The following BRCA1 variants were observed in gnomAD, a reference collection of about 807,000 sequenced individuals.
The protein encoded by BRCA1 is breast cancer type 1 susceptibility protein.
BRCA1 carries 140 observed loss-of-function variants against 173.7 expected under a neutral mutation model. That is an observed-to-expected ratio of 0.81 (90% confidence interval 0.70 to 0.93). The LOEUF (loss-of-function observed/expected upper bound fraction) is 0.93. Among genes scored for constraint, BRCA1 ranks in the 40% least tolerant of loss-of-function variants. BRCA1 has a pLI of 0.00. For synonymous variants in BRCA1, 662 were observed against 756.0 expected, an observed-to-expected ratio of 0.88 and a Z score of 2.04; for missense variants, 1,983 against 2,172.5, an observed-to-expected ratio of 0.91 and a Z score of 1.73.
chr17:43,072,880 T>TC (rs1349523526), intron 14 of BRCA1, among the ~76,000 whole-genome samples: 13 of 151,636 alleles, frequency 8.6e-5, no homozygotes, highest in Non-Finnish European at 2.9e-5. Context: ...AGCTAGTTTT[T>TC]TTTTTTTTTT....
chr17:43,096,246 G>A lies in BRCA1; in HGVS notation c.594-324C>T, dbSNP rs193059967. ...ACAAAAATTAGCCGGGTGTGGTGGCGCGCGCCTGTAGTCCCAGCTACTAGA... is the reference window on the plus strand; with the variant it reads ...ACAAAAATTAGCCGGGTGTGGTGGCACGCGCCTGTAGTCCCAGCTACTAGA... On this transcript the variant is annotated intron_variant, in intron 8 of 22. Transcript: ENST00000357654. Among the ~76,000 whole-genome samples the A allele has an allele frequency of 7.1e-4, 108 of 151,616 alleles. No homozygotes were observed. The Middle Eastern group carries it at 0.014, about 19-fold the overall frequency.
chr17:43,080,463 C>T (rs1044512678), intron 12 of BRCA1, among the ~76,000 whole-genome samples: 8 of 151,740 alleles, frequency 5.3e-5, no homozygotes, highest in African/African-American at 1.9e-4. Flanking sequence ...TCCCAAAGTG[C>T]TGGGGTTACA....
At chr17:43,078,751 G>A (rs573759243) in intron 12 of BRCA1, among the ~76,000 whole-genome samples, 1 of 152,232 alleles carries the variant, frequency 6.6e-6, no homozygotes, top group African/African-American at 2.4e-5. Context: ...GGACCTGTGA[G>A]TTTCTAGGAT....
At chr17:43,168,645 T>C (rs923489186) in intron 1 of BRCA1, among the ~76,000 whole-genome samples, 3 of 152,136 alleles carry the variant, frequency 2.0e-5, no homozygotes, top group Admixed American at 6.5e-5. Flanking sequence ...GTCTCAAAAA[T>C]AAATAAAATA....
At chr17:43,131,033 G>T (rs1282500297) in intron 1 of BRCA1, among the ~76,000 whole-genome samples, 3 of 152,178 alleles carry the variant, frequency 2.0e-5, no homozygotes, top group African/African-American at 4.8e-5. Context: ...GATACTCTGG[G>T]TGTGTTGCAG....
chr17:43,167,345 C>G (rs1421549118), intron 1 of BRCA1: 7 of 152,188 alleles, frequency 4.6e-5, no homozygotes, highest in Non-Finnish European at 1.0e-4. Flanking sequence ...AGCCAAGCTC[C>G]CCGAGTGAGC....
intron 1 of BRCA1, among the ~76,000 whole-genome samples, chr17:43,158,487 C>G (rs951533796): frequency 1.3e-5 from 2 of 152,094 alleles, no homozygotes; most frequent in Non-Finnish European, 2.9e-5. Context: ...ATTGACATGA[C>G]TCCAAATATG....
chr17:43,058,232 G>A (rs1332196382), intron 18 of BRCA1, among the ~76,000 whole-genome samples: 1 of 151,760 alleles, frequency 6.6e-6, no homozygotes, highest in Non-Finnish European at 1.5e-5. Context: ...ACCTCAGCCA[G>A]GCATAGTTGC....
chr17:43,067,589 G>T lies in BRCA1; in HGVS notation c.5074+19C>A. 1 of 1,577,022 alleles carries T rather than the reference G, an allele frequency of 6.3e-7. No homozygotes were observed. Among genetic ancestry groups the T allele is most frequent in the Non-Finnish European group, 8.7e-7 (1 of 1,146,494 alleles). On this transcript the variant is annotated intron_variant, in intron 16 of 22. Transcript: ENST00000357654. ...TTATGCAGCAGATGCAAGGTATTCTGTAAAGGTTCTTGGTATACCTGTTTT... is the reference window on the plus strand; with the variant it reads ...TTATGCAGCAGATGCAAGGTATTCTTTAAAGGTTCTTGGTATACCTGTTTT...
At chr17:43,079,828 GAAAA>G in intron 12 of BRCA1, 1 of 694,220 alleles carries the variant, frequency 1.4e-6, no homozygotes, top group East Asian at 2.6e-5. Context: ...TAAAAAAAAA[GAAAA>G]GTCATTCTAT....
chr17:43,051,098 A>AT lies in BRCA1; in HGVS notation c.5296dup (p.Ile1766AsnfsTer64), dbSNP rs1555575732. 6.2e-7 allele frequency: 1 copy of AT among 1,614,100 alleles called. No homozygotes were observed. The highest frequency in any genetic ancestry group is 1.3e-5 in the African/African-American group (1 of 75,040). On this transcript the variant is annotated frameshift_variant, in exon 20 of 23. Transcript: ENST00000357654. LOFTEE classifies it high-confidence loss of function. ...GTTGGTGAAGGGCCCATAGCAACAG[A>AT]TTTCTAGCCCCCTGAAGATCTGGAA...
In BRCA1 at chr17:43,063,369, C is replaced by T. The variant is rs28897697; in HGVS notation, c.5157G>A (p.Val1719=). Residue 1719 remains valine, a synonymous_variant, in exon 18 of 23, where the codon GTG becomes GTA. Coordinates refer to ENST00000357654, the MANE Select transcript of BRCA1 (RefSeq NM_007294.4). ...TTTTTCTTTCTTTAATAGACTGGGT[C>T]ACCCCTAAAGAGATCATAGAAAAGA... The part of the protein sequence containing the change: ...GGKWVVSYFW[V]TQSIKERKML... 8.1e-6 allele frequency: 13 copies of T among 1,611,588 alleles called. No homozygotes were observed. The highest frequency in any genetic ancestry group is 1.1e-5 in the Non-Finnish European group (13 of 1,177,960).
chr17:43,118,954 AG>A (rs1377179825), intron 2 of BRCA1, among the ~76,000 whole-genome samples: 1 of 151,998 alleles, frequency 6.6e-6, no homozygotes, highest in Non-Finnish European at 1.5e-5. Context: ...TTGGTAGGGA[AG>A]GGGTTTCACC....
At chr17:43,154,029 A>G (rs1249991800) in intron 1 of BRCA1, among the ~76,000 whole-genome samples, 2 of 152,024 alleles carry the variant, frequency 1.3e-5, no homozygotes, top group African/African-American at 4.8e-5. Flanking sequence ...TCTACTAAAA[A>G]TACAAAAATT....
chr17:43,079,724 AC>A, intron 12 of BRCA1: 1 of 1,405,276 alleles, frequency 7.1e-7, no homozygotes, highest in Non-Finnish European at 1.0e-6. Flanking sequence ...CTTTGTGAGA[AC>A]CAATGGGAAG....
Position 43,166,419 on chromosome 17 carries a change from TTTGAAACAAGGGACC to T in BRCA1, c.-20+3692_-20+3706del, listed in dbSNP as rs1358538984. The T allele has an allele frequency of 4.6e-5, 7 of 152,304 alleles. No individual in the cohort carries two copies. In the East Asian group the frequency reaches 1.4e-3, roughly 29 times the overall value. The allele number at this position is 152,304 out of a possible 1,614,324, so 9.4% of individuals were successfully genotyped here. A position where few individuals can be genotyped will look rare whatever the true frequency, so the allele number is the denominator to read the frequency against. Reference sequence around the variant, plus strand: ...CTTATAGGTTACCTTGTGCCATACCTTTGAAACAAGGGACCTGTCCAGGCTTCCTTCTAATGGCCA... The same window carrying T: ...CTTATAGGTTACCTTGTGCCATACCTTGTCCAGGCTTCCTTCTAATGGCCA... On this transcript the variant is annotated intron_variant, in intron 1 of 7. Transcript: ENST00000634433.
At chr17:43,106,679 T>C (rs2054806706) in intron 3 of BRCA1, 146 bp from the exon 4 acceptor site, 1 of 642,554 alleles carries the variant, frequency 1.6e-6, no homozygotes, top group Non-Finnish European at 2.7e-6. Context: ...TTACAAGCAA[T>C]AGTTTCCTAA....
At chr17:43,157,514 T>C (rs1056167325) in intron 1 of BRCA1, among the ~76,000 whole-genome samples, 2 of 147,526 alleles carry the variant, frequency 1.4e-5, no homozygotes, top group African/African-American at 2.5e-5. Flanking sequence ...CCTGACAACA[T>C]GGTGAAACCC....
At chr17:43,129,575 G>A (rs533091656), upstream of BRCA1, among the ~76,000 whole-genome samples, 75 of 152,172 alleles carry the variant, frequency 4.9e-4, no homozygotes, top group African/African-American at 1.7e-3. Flanking sequence ...CCGGGTTCAC[G>A]CCATTCTCCT....
Sources: allele counts gnomAD v4.1 joint callset (sites outside exome capture counted in the v4.1 genomes callset), GRCh38; gene constraint gnomAD v4.1.1; transcripts MANE v1.5; gene names NCBI Gene and HGNC (gene_info 2026-07-23, HGNC 2026-07-21).